Variants in AUTS2 observed in about 807,000 individuals in gnomAD.
The protein encoded by AUTS2 is autism susceptibility gene 2 protein.
In AUTS2, 17 loss-of-function variants were observed where a neutral mutation model predicts 112.4. The observed-to-expected ratio is 0.15, with a 90% CI of 0.10 to 0.23. The LOEUF (loss-of-function observed/expected upper bound fraction) is 0.23, where lower values mean the gene tolerates loss of function less well. AUTS2 is among the 10% of genes least tolerant of loss of function. AUTS2 has a pLI of 1.00. For synonymous variants in AUTS2, 751 were observed against 702.7 expected, an observed-to-expected ratio of 1.07 and a Z score of -1.09; for missense variants, 1,510 against 1,701.6, an observed-to-expected ratio of 0.89 and a Z score of 1.98.
chr7:70,701,978 A>G (rs1047310312), intron 6 of AUTS2, among the ~76,000 whole-genome samples: 1 of 152,200 alleles, frequency 6.6e-6, no homozygotes, highest in Non-Finnish European at 1.5e-5. Flanking sequence ...ATTCTGGGGT[A>G]TTTATTCTAT....
At chr7:70,447,781 T>C (rs1008024033) in intron 5 of AUTS2, among the ~76,000 whole-genome samples, 23 of 152,222 alleles carry the variant, frequency 1.5e-4, no homozygotes, top group African/African-American at 5.1e-4. Context: ...TCCAACAAAA[T>C]ATCACTCAAA....
Position 70,766,051 on chromosome 7 carries a change from A to G in AUTS2, c.1469-63A>G, listed in dbSNP as rs1789918584. ...ACCAGCCCCGTACCCCTCCACAGGA[A>G]GGCAGTCCGATGTCCTTTTCTGAAG... On this transcript the variant is annotated intron_variant, in intron 8 of 18. Transcript: ENST00000342771. This position sits in a 1 kb window ranked among gnomAD's most constrained non-coding sequence, Gnocchi z 4.8. The G allele has an allele frequency of 1.8e-5, 28 of 1,573,576 alleles. No individual in the cohort carries two copies. The highest frequency in any genetic ancestry group is 2.4e-5 in the Non-Finnish European group (28 of 1,156,622).
intron 4 of AUTS2, among the ~76,000 whole-genome samples, chr7:70,195,867 T>C (rs1810145608): frequency 6.6e-6 from 1 of 152,226 alleles, no homozygotes; most frequent in African/African-American, 2.4e-5. Context: ...TTGATTCGTC[T>C]GCCTGTTAAC....
At chr7:69,806,547 G>T (rs1790317245) in intron 1 of AUTS2, among the ~76,000 whole-genome samples, 1 of 151,930 alleles carries the variant, frequency 6.6e-6, no homozygotes, top group Non-Finnish European at 1.5e-5. Context: ...GCTTACTGTA[G>T]CCTCGATTTC....
At chr7:70,620,041 G>C (rs943786376) in intron 5 of AUTS2, among the ~76,000 whole-genome samples, 6 of 151,988 alleles carry the variant, frequency 3.9e-5, no homozygotes, top group African/African-American at 1.5e-4. Context: ...GCTCTGTAGG[G>C]GTGCAGATTC....
chr7:70,431,533 G>A (rs1223401245), intron 4 of AUTS2, among the ~76,000 whole-genome samples: 3 of 152,072 alleles, frequency 2.0e-5, no homozygotes, highest in Non-Finnish European at 2.9e-5. Context: ...TTACAGGCGC[G>A]TGCCACCACG....
At chr7:70,781,409 C>A in intron 14 of AUTS2, 1 of 456,690 alleles carries the variant, frequency 2.2e-6, no homozygotes, top group South Asian at 3.4e-5. Flanking sequence ...AGTGTTGTCA[C>A]TAGACATTTC....
Position 69,599,312 on chromosome 7 carries a change from T to A in AUTS2, c.-342T>A. 1 of 224,376 alleles carries A rather than the reference T, an allele frequency of 4.5e-6. No homozygotes were observed. Among genetic ancestry groups the A allele is most frequent in the Non-Finnish European group, 8.7e-6 (1 of 114,816 alleles). 13.9% of individuals were successfully genotyped at this position (224,376 alleles called of 1,614,324 possible). On this transcript the variant is annotated 5_prime_UTR_variant, in exon 1 of 19. Coordinates refer to ENST00000342771, the MANE Select transcript of AUTS2 (RefSeq NM_015570.4). This position sits in a 1 kb window ranked among gnomAD's most constrained non-coding sequence, Gnocchi z 7.0. ...TTTATTGCTTGCTTGGTGAGTTATT[T>A]TTTTTTCCTCTAAAGGAGACCTGTG... is the stretch of plus-strand genomic sequence containing the variant.
At chr7:69,884,041 A>G (rs1019817812) in intron 1 of AUTS2, among the ~76,000 whole-genome samples, 3 of 152,182 alleles carry the variant, frequency 2.0e-5, no homozygotes, top group Admixed American at 6.5e-5. Flanking sequence ...CCACTTCCTT[A>G]TGGGACCAAC....
intron 2 of AUTS2, among the ~76,000 whole-genome samples, chr7:69,944,266 T>G (rs1796727816): frequency 6.6e-6 from 1 of 152,128 alleles, no homozygotes; most frequent in African/African-American, 2.4e-5. Context: ...TGTAGACTAT[T>G]CCTAATAAAA....
intron 5 of AUTS2, among the ~76,000 whole-genome samples, chr7:70,556,542 G>A (rs1176966843): frequency 3.3e-5 from 5 of 152,180 alleles, no homozygotes; most frequent in Non-Finnish European, 7.3e-5. Flanking sequence ...TGACTGCCTT[G>A]AGGTTGTGGC....
chr7:70,377,979 C>T (rs943575362), intron 4 of AUTS2, among the ~76,000 whole-genome samples: 1 of 151,720 alleles, frequency 6.6e-6, no homozygotes, highest in African/African-American at 2.4e-5. Context: ...GGGGTTTCAC[C>T]GTGTTAGCCA....
chr7:69,627,243 A>G (rs952699362), intron 1 of AUTS2, among the ~76,000 whole-genome samples: 2 of 152,184 alleles, frequency 1.3e-5, no homozygotes, highest in Non-Finnish European at 2.9e-5. Flanking sequence ...CTGTAATCCC[A>G]GCACTTTGGG....
At chr7:70,533,460 CAAGTTG>C (rs200763592) in intron 5 of AUTS2, among the ~76,000 whole-genome samples, 1,729 of 152,204 alleles carry the variant, frequency 0.011, 12 homozygotes, top group Non-Finnish European at 0.017. Context: ...AACTCTGCCT[CAAGTTG>C]TAGCTGCTGC....
chr7:69,756,626 T>G (rs1038568088), intron 1 of AUTS2, among the ~76,000 whole-genome samples: 9 of 152,078 alleles, frequency 5.9e-5, no homozygotes, highest in African/African-American at 2.2e-4. Flanking sequence ...TTTTGTCATC[T>G]CTTGAAATTT....
intron 1 of AUTS2, among the ~76,000 whole-genome samples, chr7:69,735,434 G>A (rs1786986214): frequency 6.6e-6 from 1 of 152,162 alleles, no homozygotes; most frequent in South Asian, 2.1e-4. Context: ...AACATAAAGA[G>A]AACAGGTTTA....
intron 6 of AUTS2, among the ~76,000 whole-genome samples, chr7:70,716,541 G>A (rs1810375768): frequency 6.8e-6 from 1 of 147,016 alleles, no homozygotes; most frequent in Non-Finnish European, 1.5e-5. Flanking sequence ...GCTGAGGCAG[G>A]AGAATGGCGT....
intron 5 of AUTS2, among the ~76,000 whole-genome samples, chr7:70,599,672 C>G (rs1803373900): frequency 2.0e-5 from 3 of 152,044 alleles, no homozygotes; most frequent in African/African-American, 7.3e-5. Flanking sequence ...TGGATCAATA[C>G]CTATGGGAAG....
rs1195476265 is a variant in AUTS2 at position 70,698,688 on chromosome 7, A to G, written c.742+68A>G. ...TTAGTTTCATTGTCATTGCCTAGGA[A>G]GAAAGAAGAGCTAGAGTGATCTTTC... On this transcript the variant is annotated intron_variant, in intron 6 of 18. Transcript: ENST00000342771. 5.0e-6 allele frequency: 6 copies of G among 1,212,034 alleles called. No individual in the cohort carries two copies. In the Admixed American group the frequency reaches 1.2e-4, roughly 24 times the overall value. The allele number at this position is 1,212,034 out of a possible 1,614,324, so 75.1% of individuals were successfully genotyped here.
Sources: gnomAD v4.1 joint callset for allele counts (sites outside exome capture counted in the v4.1 genomes callset) on GRCh38, gnomAD v4.1.1 for gene constraint, Gnocchi (gnomAD v3.1) non-coding constraint, MANE v1.5 for transcripts, NCBI Gene and HGNC (gene_info 2026-07-23, HGNC 2026-07-21) for gene names.